PIK3C2G: variants seen among roughly 807,000 people sequenced by gnomAD.
PIK3C2G encodes phosphatidylinositol 3-kinase C2 domain-containing subunit gamma.
In PIK3C2G, 168 loss-of-function variants were observed where a neutral mutation model predicts 181.1. The ratio of observed to expected loss-of-function variants is 0.93; its 90% CI spans 0.82 to 1.05. The LOEUF (loss-of-function observed/expected upper bound fraction) is 1.05. PIK3C2G is among the 50% of genes least tolerant of loss of function. The pLI is 0.00. For synonymous variants in PIK3C2G, 573 were observed against 592.2 expected, an observed-to-expected ratio of 0.97 and a Z score of 0.47; for missense variants, 1,869 against 1,732.8, an observed-to-expected ratio of 1.08 and a Z score of -1.40.
In PIK3C2G at chr12:18,325,209, G is replaced by A. The variant is rs576444794; in HGVS notation, c.1272+111G>A. 3.9e-4 allele frequency: 242 copies of A among 627,408 alleles called. 2 individuals carry two copies. The Admixed American group carries it at 3.9e-3, about 10-fold the overall frequency. 38.9% of individuals were successfully genotyped at this position (627,408 alleles called of 1,614,324 possible). A position where few individuals can be genotyped will look rare whatever the true frequency, so the allele number is the denominator to read the frequency against. Reference sequence around the variant, plus strand: ...GATGACAAAAATGAATAAAACAGAGGATCTACACTTGAAAGGCTTTCATTT... The same window carrying A: ...GATGACAAAAATGAATAAAACAGAGAATCTACACTTGAAAGGCTTTCATTT... On this transcript the variant is annotated intron_variant, in intron 8 of 32. Transcript: ENST00000538779.
intron 8 of PIK3C2G, among the ~76,000 whole-genome samples, chr12:18,328,725 T>A (rs1209046972): frequency 6.6e-6 from 1 of 152,022 alleles, no homozygotes; most frequent in East Asian, 1.9e-4. Flanking sequence ...ATGGGCTTAG[T>A]ATAATATAGT....
chr12:18,651,141 A>C (rs1950497782), downstream of PIK3C2G, among the ~76,000 whole-genome samples: 1 of 151,956 alleles, frequency 6.6e-6, no homozygotes, highest in African/African-American at 2.4e-5. Flanking sequence ...ACATTCAATC[A>C]ACACTGGCCT....
In PIK3C2G at chr12:18,286,948, T is replaced by A. The variant is rs1036883611; in HGVS notation, c.761+19T>A. ...TAAAAAAGTGAGTACTGGTATTTCA[T>A]TAAACTTTGAAATTTTTGTGCCTGA... is the stretch of plus-strand genomic sequence containing the variant. On this transcript the variant is annotated intron_variant, in intron 3 of 32. Transcript: ENST00000538779. 9 of 1,366,746 alleles carry A rather than the reference T, an allele frequency of 6.6e-6. No homozygotes were observed. Among genetic ancestry groups the A allele is most frequent in the Non-Finnish European group, 9.0e-6 (9 of 1,000,122 alleles). 84.7% of individuals were successfully genotyped at this position (1,366,746 alleles called of 1,614,324 possible).
intron 2 of PIK3C2G, among the ~76,000 whole-genome samples, chr12:18,284,044 A>G (rs1244855721): frequency 6.6e-6 from 1 of 152,044 alleles, no homozygotes; most frequent in Admixed American, 6.6e-5. Flanking sequence ...TGACAAGCAG[A>G]GTGCTAAAGA....
At chr12:18,384,896 G>C (rs1943069279) in intron 14 of PIK3C2G, among the ~76,000 whole-genome samples, 2 of 152,134 alleles carry the variant, frequency 1.3e-5, no homozygotes, top group South Asian at 4.1e-4. Context: ...ATTTTAATTG[G>C]TGATGCAATA....
chr12:18,286,843 T>G lies in PIK3C2G; in HGVS notation c.679-4T>G, dbSNP rs1301019290. The G allele has an allele frequency of 6.9e-7, 1 of 1,446,636 alleles. No individual in the cohort carries two copies. The highest frequency in any genetic ancestry group is 2.6e-5 in the East Asian group (1 of 39,112). 89.6% of individuals were successfully genotyped at this position (1,446,636 alleles called of 1,614,324 possible). ...TATATTAATTTAGTAGATTTTATTT[T>G]AAGTCAATAGGTTGTTCCATTCAGC... is the stretch of plus-strand genomic sequence containing the variant. On this transcript the variant is annotated splice_polypyrimidine_tract_variant and splice_region_variant and intron_variant, in intron 2 of 32. Transcript: ENST00000538779.
At chr12:18,464,554 C>G (rs1937641983) in intron 18 of PIK3C2G, among the ~76,000 whole-genome samples, 1 of 152,090 alleles carries the variant, frequency 6.6e-6, no homozygotes, top group Admixed American at 6.6e-5. Flanking sequence ...CTATGCCAAT[C>G]ATATTCATTT....
intron 1 of PIK3C2G, among the ~76,000 whole-genome samples, chr12:18,277,849 A>G (rs766185904): frequency 6.6e-6 from 1 of 152,138 alleles, no homozygotes; most frequent in African/African-American, 2.4e-5. Flanking sequence ...TTCTCTTTGA[A>G]GCCAGATAAG....
At chr12:18,341,157 G>T (rs1939104950) in intron 9 of PIK3C2G, among the ~76,000 whole-genome samples, 1 of 152,128 alleles carries the variant, frequency 6.6e-6, no homozygotes, top group Admixed American at 6.6e-5. Context: ...TTAAAGTATT[G>T]CTGGTTATAA....
At chr12:18,551,595 C>A (rs1371315043) in intron 26 of PIK3C2G, among the ~76,000 whole-genome samples, 1 of 152,000 alleles carries the variant, frequency 6.6e-6, no homozygotes, top group Non-Finnish European at 1.5e-5. Context: ...AAAACTGAAG[C>A]CAGCTTCAAG....
the PIK3C2G span, among the ~76,000 whole-genome samples, chr12:18,684,626 G>A: frequency 6.6e-6 from 1 of 152,070 alleles, no homozygotes; most frequent in African/African-American, 2.4e-5. Flanking sequence ...AAAACGGGGA[G>A]TCTGACTTCA....
chr12:18,666,146 T>C, the PIK3C2G span, among the ~76,000 whole-genome samples: 1 of 151,504 alleles, frequency 6.6e-6, no homozygotes, highest in Admixed American at 6.6e-5. Context: ...CACTAGAAAA[T>C]ATCTAACACA....
At chr12:18,725,947 T>C in the PIK3C2G span, among the ~76,000 whole-genome samples, 4 of 152,102 alleles carry the variant, frequency 2.6e-5, no homozygotes, top group Admixed American at 6.6e-5. Context: ...TCCACTTTCT[T>C]CTCTTACAGG....
intron 18 of PIK3C2G, among the ~76,000 whole-genome samples, chr12:18,461,116 G>A (rs1163937031): frequency 6.6e-6 from 1 of 151,986 alleles, no homozygotes. Context: ...TATATATATA[G>A]TGAAAAAGGT....
the PIK3C2G span, among the ~76,000 whole-genome samples, chr12:18,682,305 A>T: frequency 6.6e-6 from 1 of 152,070 alleles, no homozygotes; most frequent in Non-Finnish European, 1.5e-5. Context: ...GTTAGTACAC[A>T]TCCCAAACAT....
At chr12:18,486,211 AACATGT>A (rs1430730653) in intron 18 of PIK3C2G, among the ~76,000 whole-genome samples, 3 of 152,164 alleles carry the variant, frequency 2.0e-5, no homozygotes, top group African/African-American at 7.2e-5. Context: ...TCACCAGGAG[AACATGT>A]AATCTTGGCA....
intron 1 of PIK3C2G, among the ~76,000 whole-genome samples, chr12:18,280,266 C>G (rs1416762027): frequency 6.6e-6 from 1 of 151,854 alleles, no homozygotes; most frequent in Non-Finnish European, 1.5e-5. Flanking sequence ...AAACCAATAA[C>G]AAATATGGTC....
intron 18 of PIK3C2G, among the ~76,000 whole-genome samples, chr12:18,472,745 G>T (rs1235704489): frequency 1.3e-5 from 2 of 152,012 alleles, no homozygotes; most frequent in African/African-American, 4.8e-5. Context: ...TGTCACCCAG[G>T]CTGGAGTACA....
chr12:18,562,560 G>A (rs1174326319), intron 26 of PIK3C2G, 143 bp from the exon 27 acceptor site: 1 of 575,200 alleles, frequency 1.7e-6, no homozygotes, highest in Non-Finnish European at 3.1e-6. Context: ...TACAAATAAC[G>A]TTTAATTGTT....
Sources: gnomAD v4.1 joint callset for allele counts (sites outside exome capture counted in the v4.1 genomes callset) on GRCh38, gnomAD v4.1.1 for gene constraint, MANE v1.5 for transcripts, NCBI Gene and HGNC (gene_info 2026-07-23, HGNC 2026-07-21) for gene names.